The following PIK3C2G variants were observed in gnomAD, a reference collection of about 807,000 sequenced individuals.
PIK3C2G encodes phosphatidylinositol 3-kinase C2 domain-containing subunit gamma.
In PIK3C2G, 168 loss-of-function variants were observed where a neutral mutation model predicts 181.1. That is an observed-to-expected ratio of 0.93 (90% CI 0.82 to 1.05). The LOEUF is 1.05. Ranked by LOEUF, PIK3C2G falls within the 50% of genes least tolerant of loss-of-function variation. The pLI, the probability that PIK3C2G is intolerant of heterozygous loss-of-function variation, is 0.00. For synonymous variants in PIK3C2G, 573 were observed against 592.2 expected (o/e 0.97, Z 0.47); for missense variants, 1,869 against 1,732.8 (o/e 1.08, Z -1.40).
At chr12:18,591,892 T>C (rs183563619) in intron 29 of PIK3C2G, among the ~76,000 whole-genome samples, 1 of 151,882 alleles carries the variant, frequency 6.6e-6, no homozygotes, top group African/African-American at 2.4e-5. Flanking sequence ...ATGATATTAG[T>C]ATACCTGGAA....
At chr12:18,521,892 G>A (rs1456376710) in intron 24 of PIK3C2G, among the ~76,000 whole-genome samples, 2 of 152,214 alleles carry the variant, frequency 1.3e-5, no homozygotes, top group Non-Finnish European at 2.9e-5. Flanking sequence ...CAGTGGTGTG[G>A]GATCTTCCAA....
At chr12:18,472,773 C>T (rs564371456) in intron 18 of PIK3C2G, among the ~76,000 whole-genome samples, 7 of 152,186 alleles carry the variant, frequency 4.6e-5, no homozygotes, top group African/African-American at 1.7e-4. Context: ...GATCTTGGCT[C>T]ACCGCAACTT....
chr12:18,314,188 T>C lies in PIK3C2G; in HGVS notation c.1137+124T>C, dbSNP rs143458306. Reference sequence around the variant, plus strand: ...TAATTAATACATGTTTATTTAAATATATTCATTGAAACATGATGAAATATC... The same window carrying C: ...TAATTAATACATGTTTATTTAAATACATTCATTGAAACATGATGAAATATC... On this transcript the variant is annotated intron_variant, in intron 6 of 32. Transcript: ENST00000538779. The C allele has an allele frequency of 9.0e-3, 5,293 of 587,274 alleles. 41 individuals are homozygous for C. Among genetic ancestry groups the C allele is most frequent in the Non-Finnish European group, 0.014 (4,542 of 329,890 alleles). The allele number at this position is 587,274 out of a possible 1,614,324, so 36.4% of individuals were successfully genotyped here. A position where few individuals can be genotyped will look rare whatever the true frequency, so the allele number is the denominator to read the frequency against.
chr12:18,390,726 A>C (rs958055232), intron 14 of PIK3C2G, among the ~76,000 whole-genome samples: 1 of 152,112 alleles, frequency 6.6e-6, no homozygotes, highest in African/African-American at 2.4e-5. Flanking sequence ...ACATGAAAAA[A>C]GCATAATTAC....
intron 6 of PIK3C2G, among the ~76,000 whole-genome samples, chr12:18,319,480 CAA>C (rs35252029): frequency 6.6e-6 from 1 of 151,594 alleles, no homozygotes; most frequent in East Asian, 1.9e-4. Context: ...ATAATTGTGA[CAA>C]AAAAAGTTTC....
At chr12:18,488,863 TGAAAA>T (rs777835750) in intron 19 of PIK3C2G, among the ~76,000 whole-genome samples, 67 of 152,054 alleles carry the variant, frequency 4.4e-4, no homozygotes, top group African/African-American at 1.6e-3. Context: ...AGAGAGAACC[TGAAAA>T]GAAAAGACCA....
rs1394686994 is a variant in PIK3C2G, at chr12:18,559,813, TATATATATAGAGAGAGAGAGAGAGAG to T, written c.3591-2888_3591-2863del. ...ATATATATATATATATATATATATA[TATATATATAGAGAGAGAGAGAGAGAG>T]AGAGAGAGAGAGAGAGAGAGAGAGA... On this transcript the variant is annotated intron_variant, in intron 26 of 32. Coordinates refer to ENST00000538779, the MANE Select transcript of PIK3C2G (RefSeq NM_001288772.2). 5.0e-4 allele frequency among the ~76,000 whole-genome samples: 14 copies of T among 27,960 alleles called. No individual in the cohort carries two copies. The South Asian group carries it at 6.2e-3, about 12-fold the overall frequency. The allele number at this position is 27,960 out of a possible 152,430, so 18.3% of individuals were successfully genotyped here.
intron 29 of PIK3C2G, among the ~76,000 whole-genome samples, chr12:18,587,292 C>T (rs1383583864): frequency 6.6e-6 from 1 of 151,966 alleles, no homozygotes; most frequent in Non-Finnish European, 1.5e-5. Flanking sequence ...TGGCATGATA[C>T]TATATCTCAA....
chr12:18,374,868 C>G (rs967597334), intron 13 of PIK3C2G, among the ~76,000 whole-genome samples: 2 of 152,136 alleles, frequency 1.3e-5, no homozygotes, highest in Non-Finnish European at 2.9e-5. Flanking sequence ...ATGTGAGACA[C>G]CTGCTCCTCC....
intron 1 of PIK3C2G, among the ~76,000 whole-genome samples, chr12:18,255,017 T>C (rs955616353): frequency 6.6e-6 from 1 of 151,546 alleles, no homozygotes; most frequent in African/African-American, 2.4e-5. Flanking sequence ...TCACCTGAGG[T>C]TGGGAGTTTG....
intron 6 of PIK3C2G, among the ~76,000 whole-genome samples, chr12:18,318,586 G>C (rs1200513434): frequency 6.6e-6 from 1 of 151,756 alleles, no homozygotes; most frequent in Non-Finnish European, 1.5e-5. Context: ...AAATTGTCTT[G>C]ATAGTATTTT....
At chr12:18,627,386 C>G (rs912891331) in intron 31 of PIK3C2G, among the ~76,000 whole-genome samples, 1 of 151,966 alleles carries the variant, frequency 6.6e-6, no homozygotes, top group Non-Finnish European at 1.5e-5. Context: ...TTTCTTTGGG[C>G]GTCATTGCTG....
chr12:18,481,812 T>C (rs1471345329), intron 18 of PIK3C2G, among the ~76,000 whole-genome samples: 1 of 152,046 alleles, frequency 6.6e-6, no homozygotes, highest in African/African-American at 2.4e-5. Context: ...TCCCCAAAAT[T>C]CTACTGCCCC....
intron 18 of PIK3C2G, among the ~76,000 whole-genome samples, chr12:18,463,867 A>C (rs941710724): frequency 7.9e-5 from 12 of 152,138 alleles, no homozygotes. Flanking sequence ...AGCTGGTAAT[A>C]GCCAGATCTA....
At chr12:18,669,442 G>C in the PIK3C2G span, among the ~76,000 whole-genome samples, 1 of 152,148 alleles carries the variant, frequency 6.6e-6, no homozygotes, top group Non-Finnish European at 1.5e-5. Context: ...TTATCAGTGA[G>C]AGTCTAAAAG....
At chr12:18,534,904 T>C (rs1183264953) in intron 24 of PIK3C2G, among the ~76,000 whole-genome samples, 1 of 151,488 alleles carries the variant, frequency 6.6e-6, no homozygotes, top group Non-Finnish European at 1.5e-5. Flanking sequence ...AAACCACTAA[T>C]CTAGAAAAAA....
intron 24 of PIK3C2G, among the ~76,000 whole-genome samples, chr12:18,529,835 A>T (rs1183632022): frequency 6.6e-6 from 1 of 152,100 alleles, no homozygotes; most frequent in Non-Finnish European, 1.5e-5. Flanking sequence ...TAAAGAAAGG[A>T]TTGGACTTGA....
At chr12:18,726,582 T>C in the PIK3C2G span, among the ~76,000 whole-genome samples, 1 of 152,164 alleles carries the variant, frequency 6.6e-6, no homozygotes, top group East Asian at 1.9e-4. Context: ...AATAATTCTA[T>C]TGATTGTCAT....
intron 18 of PIK3C2G, among the ~76,000 whole-genome samples, chr12:18,452,955 T>G (rs578110956): frequency 1.3e-5 from 2 of 152,328 alleles, no homozygotes; most frequent in African/African-American, 4.8e-5. Context: ...TCCATTATTT[T>G]GCATTTGCTG....
Sources: allele counts gnomAD v4.1 joint callset (sites outside exome capture counted in the v4.1 genomes callset), GRCh38; gene constraint gnomAD v4.1.1; transcripts MANE v1.5; gene names NCBI Gene and HGNC (gene_info 2026-07-23, HGNC 2026-07-21).